MECOM: variants seen among roughly 807,000 people sequenced by gnomAD.
The protein encoded by MECOM is histone-lysine N-methyltransferase MECOM.
A neutral mutation model predicts 116.3 loss-of-function variants in MECOM; 13 were observed. The observed-to-expected ratio is 0.11, with a 90% confidence interval of 0.07 to 0.18. The LOEUF is 0.18. Ranked by LOEUF, MECOM falls within the 10% of genes least tolerant of loss-of-function variation. The probability of loss-of-function intolerance (pLI) is 1.00; values close to 1 mark genes in which losing one functional copy is unlikely to be tolerated. For missense variants in MECOM, 1,299 were observed against 1,509.0 expected (o/e 0.86, Z 2.31); for synonymous variants, 528 against 535.2 (o/e 0.99, Z 0.19).
At chr3:169,552,575 T>G (rs776839017) in intron 1 of MECOM, among the ~76,000 whole-genome samples, 14 of 152,258 alleles carry the variant, frequency 9.2e-5, no homozygotes, top group Admixed American at 2.0e-4. Context: ...ACAGAGAGCT[T>G]ACCACAGTCA....
At chr3:169,322,130 G>A (rs1445599580) in intron 2 of MECOM, among the ~76,000 whole-genome samples, 3 of 152,182 alleles carry the variant, frequency 2.0e-5, no homozygotes, top group Non-Finnish European at 4.4e-5. Flanking sequence ...ATTTCTGGTG[G>A]TGTGATATGA....
At chr3:169,214,851 G>A (rs1020060680) in intron 2 of MECOM, among the ~76,000 whole-genome samples, 1 of 146,212 alleles carries the variant, frequency 6.8e-6, no homozygotes, top group Admixed American at 6.9e-5. Flanking sequence ...ATAATCTATA[G>A]GATTATATAT....
At chr3:169,661,362 C>T (rs924765957) in intron 1 of MECOM, among the ~76,000 whole-genome samples, 1 of 151,296 alleles carries the variant, frequency 6.6e-6, no homozygotes, top group Non-Finnish European at 1.5e-5. Flanking sequence ...AATCGAAGCC[C>T]GCAAACCTCA....
chr3:169,379,491 A>C (rs1436019225), intron 2 of MECOM, among the ~76,000 whole-genome samples: 1 of 150,942 alleles, frequency 6.6e-6, no homozygotes, highest in Non-Finnish European at 1.5e-5. Context: ...TACATTTCTC[A>C]AGGTAAATAT....
chr3:169,428,789 T>C (rs1425831525), intron 1 of MECOM, among the ~76,000 whole-genome samples: 4 of 152,178 alleles, frequency 2.6e-5, no homozygotes, highest in South Asian at 2.1e-4. Flanking sequence ...AATGAGAGCT[T>C]TTGTGGTAAA....
intron 1 of MECOM, among the ~76,000 whole-genome samples, chr3:169,416,806 A>G (rs1338649509): frequency 6.6e-6 from 1 of 152,112 alleles, no homozygotes; most frequent in African/African-American, 2.4e-5. Context: ...AACGCCGCAT[A>G]TCTACAACTA....
intron 2 of MECOM, among the ~76,000 whole-genome samples, chr3:169,287,496 A>T (rs1038452950): frequency 3.3e-5 from 5 of 151,118 alleles, no homozygotes; most frequent in African/African-American, 9.7e-5. Flanking sequence ...TGATGTTATT[A>T]AAAAAATAAA....
intron 2 of MECOM, among the ~76,000 whole-genome samples, chr3:169,271,746 T>A (rs1404589821): frequency 6.6e-6 from 1 of 152,156 alleles, no homozygotes; most frequent in Admixed American, 6.5e-5. Flanking sequence ...ACCCTAGAAC[T>A]TAAAATTTTA....
intron 2 of MECOM, among the ~76,000 whole-genome samples, chr3:169,321,906 A>C (rs989243535): frequency 6.6e-6 from 1 of 152,182 alleles, no homozygotes; most frequent in Non-Finnish European, 1.5e-5. Context: ...ATGAAACTGG[A>C]TTTCTTTCTG....
At chr3:169,214,619 T>C (rs144112163) in intron 2 of MECOM, among the ~76,000 whole-genome samples, 22 of 151,850 alleles carry the variant, frequency 1.4e-4, no homozygotes, top group Middle Eastern at 3.4e-3. Context: ...TAATTGACAA[T>C]GAATTTTTTT....
intron 8 of MECOM, among the ~76,000 whole-genome samples, chr3:169,114,031 G>A (rs1183335211): frequency 6.6e-6 from 1 of 152,030 alleles, no homozygotes; most frequent in East Asian, 1.9e-4. Flanking sequence ...ATGAGTGCAA[G>A]AGATATGTGG....
At chr3:169,653,685 C>T (rs142942730) in intron 1 of MECOM, among the ~76,000 whole-genome samples, 2 of 152,120 alleles carry the variant, frequency 1.3e-5, no homozygotes, top group Middle Eastern at 3.2e-3. Flanking sequence ...ATAAGACAAG[C>T]CTGAAAAGTC....
At chr3:169,109,871 T>C (rs953149931) in intron 9 of MECOM, among the ~76,000 whole-genome samples, 2 of 152,212 alleles carry the variant, frequency 1.3e-5, no homozygotes, top group Admixed American at 6.5e-5. Flanking sequence ...AGGAATATGC[T>C]GGGAACAATA....
chr3:169,358,332 C>T (rs1209285291), intron 2 of MECOM, among the ~76,000 whole-genome samples: 1 of 151,666 alleles, frequency 6.6e-6, no homozygotes, highest in Non-Finnish European at 1.5e-5. Context: ...GACCAAAGGA[C>T]TTATATTAAA....
intron 1 of MECOM, among the ~76,000 whole-genome samples, chr3:169,439,944 TC>T (rs1012048232): frequency 1.3e-5 from 2 of 151,974 alleles, no homozygotes; most frequent in Non-Finnish European, 2.9e-5. Context: ...AATTTCTAAC[TC>T]AAAAACAAGC....
At chr3:169,635,377 C>G (rs1179129053) in intron 1 of MECOM, among the ~76,000 whole-genome samples, 1 of 152,196 alleles carries the variant, frequency 6.6e-6, no homozygotes, top group African/African-American at 2.4e-5. Flanking sequence ...CCATTGCCTA[C>G]CGAGGTAAAT....
intron 2 of MECOM, among the ~76,000 whole-genome samples, chr3:169,295,426 C>T (rs1194086119): frequency 6.6e-6 from 1 of 152,132 alleles, no homozygotes; most frequent in Admixed American, 6.5e-5. Flanking sequence ...AGAAATGTCT[C>T]AGATGATGAT....
At chr3:169,402,249 T>C (rs748219879) in intron 1 of MECOM, among the ~76,000 whole-genome samples, 1 of 152,248 alleles carries the variant, frequency 6.6e-6, no homozygotes, top group Non-Finnish European at 1.5e-5. Context: ...GGGACACATA[T>C]GGGGGCTGAG....
chr3:169,176,161 C>T (rs1475890146), intron 2 of MECOM, among the ~76,000 whole-genome samples: 3 of 150,982 alleles, frequency 2.0e-5, no homozygotes, highest in Non-Finnish European at 4.4e-5. Context: ...AAAAACCCCT[C>T]ATATGTTTTA....
Sources: allele counts gnomAD v4.1 joint callset (sites outside exome capture counted in the v4.1 genomes callset), GRCh38; gene constraint gnomAD v4.1.1; transcripts MANE v1.5; gene names NCBI Gene and HGNC (gene_info 2026-07-23, HGNC 2026-07-21).